Variants in MET observed in about 807,000 individuals in gnomAD.
The protein encoded by MET is MET proto-oncogene, receptor tyrosine kinase.
A neutral mutation model predicts 133.1 loss-of-function variants in MET; 48 were observed. The ratio of observed to expected loss-of-function variants is 0.36; its 90% CI spans 0.29 to 0.46. The LOEUF (loss-of-function observed/expected upper bound fraction) is 0.46, where lower values mean the gene tolerates loss of function less well. Ranked by LOEUF, MET falls within the 20% of genes least tolerant of loss-of-function variation. The pLI, the probability that MET is intolerant of heterozygous loss-of-function variation, is 1.00. For missense variants in MET, 1,442 were observed against 1,695.9 expected (o/e 0.85, Z 2.63); for synonymous variants, 628 against 616.5 (o/e 1.02, Z -0.28).
chr7:116,758,819 A>G (rs1794287656), intron 9 of MET, among the ~76,000 whole-genome samples, 199 bp downstream of exon 9: 2 of 152,222 alleles, frequency 1.3e-5, no homozygotes, highest in African/African-American at 4.8e-5. Flanking sequence ...AGTTCATTCC[A>G]AGAAGTATCT....
chr7:116,691,820 G>A lies in MET; in HGVS notation c.-14-7251G>A, dbSNP rs546472619. Among the ~76,000 whole-genome samples the A allele has an allele frequency of 6.8e-3, 1,033 of 152,234 alleles. 4 individuals carry two copies. The highest frequency in any genetic ancestry group is 0.012 in the Non-Finnish European group (808 of 68,014). ...AGAGATTCTGTTTGGCCTTGCTTTG[G>A]CCACATACTCAACCCTGACCAAGCT... On this transcript the variant is annotated intron_variant, in intron 1 of 20. Coordinates refer to ENST00000397752, the MANE Select transcript of MET (RefSeq NM_000245.4).
At chr7:116,795,463 A>C (rs1795639337) in intron 19 of MET, among the ~76,000 whole-genome samples, 192 bp from the exon 20 acceptor site, 1 of 152,246 alleles carries the variant, frequency 6.6e-6, no homozygotes, top group African/African-American at 2.4e-5. Flanking sequence ...TTTACTTATA[A>C]TCTAAACCTT....
intron 5 of MET, among the ~76,000 whole-genome samples, chr7:116,745,538 G>T (rs1175384041): frequency 6.6e-6 from 1 of 152,078 alleles, no homozygotes; most frequent in African/African-American, 2.4e-5. Context: ...TATACTACAA[G>T]GCTACAGTAA....
At chr7:116,712,288 C>T (rs1792030922) in intron 2 of MET, among the ~76,000 whole-genome samples, 1 of 152,198 alleles carries the variant, frequency 6.6e-6, no homozygotes, top group East Asian at 1.9e-4. Context: ...CCCCTGCCCC[C>T]CATATTCTGG....
At chr7:116,676,151 A>G (rs889933816) in intron 1 of MET, among the ~76,000 whole-genome samples, 3 of 152,238 alleles carry the variant, frequency 2.0e-5, no homozygotes, top group Non-Finnish European at 4.4e-5. Flanking sequence ...CCAGGTACAC[A>G]TATTTCTCTC....
intron 1 of MET, among the ~76,000 whole-genome samples, chr7:116,675,615 C>T (rs564456203): frequency 5.3e-5 from 8 of 152,266 alleles, no homozygotes; most frequent in Admixed American, 4.6e-4. Context: ...CACCATACCA[C>T]CTTTCCTCAG....
chr7:116,769,989 T>A (rs927304946), intron 12 of MET, 198 bp downstream of exon 12: 1 of 720,062 alleles, frequency 1.4e-6, no homozygotes, highest in African/African-American at 1.8e-5. Context: ...GGGAGGTAGA[T>A]CTCAAAAGTT....
chr7:116,728,220 C>A (rs1354779493), intron 2 of MET, among the ~76,000 whole-genome samples: 1 of 152,142 alleles, frequency 6.6e-6, no homozygotes. Context: ...TATTTTTTAG[C>A]TCTAAATCAC....
intron 5 of MET, among the ~76,000 whole-genome samples, chr7:116,747,294 A>T (rs1302914221): frequency 6.6e-6 from 1 of 152,236 alleles, no homozygotes; most frequent in Non-Finnish European, 1.5e-5. Flanking sequence ...CTTAAATGTA[A>T]ATAGGCTAAA....
chr7:116,783,571 C>A, intron 19 of MET, 102 bp downstream of exon 19: 2 of 1,182,152 alleles, frequency 1.7e-6, no homozygotes, highest in Non-Finnish European at 2.4e-6. Context: ...TTCAACACCA[C>A]CAATTCCAGT....
At chr7:116,724,789 T>G (rs758046215) in intron 2 of MET, 3 of 1,285,364 alleles carry the variant, frequency 2.3e-6, no homozygotes, top group Non-Finnish European at 3.0e-6. Flanking sequence ...ATGTGCTAGA[T>G]TGGAGGTGAA....
At chr7:116,674,734 C>T (rs1796092334) in intron 1 of MET, among the ~76,000 whole-genome samples, 1 of 152,188 alleles carries the variant, frequency 6.6e-6, no homozygotes, top group Non-Finnish European at 1.5e-5. Flanking sequence ...TGTCCTCTTC[C>T]TCCTCAACCC....
chr7:116,752,286 T>C (rs1487839363), intron 5 of MET, among the ~76,000 whole-genome samples: 2 of 152,160 alleles, frequency 1.3e-5, no homozygotes, highest in East Asian at 1.9e-4. Context: ...TTCTCATGTT[T>C]TATCCTAATG....
chr7:116,677,442 G>A (rs1796201375), intron 1 of MET, among the ~76,000 whole-genome samples: 1 of 152,188 alleles, frequency 6.6e-6, no homozygotes, highest in African/African-American at 2.4e-5. Flanking sequence ...AAAAGCAGAG[G>A]GGCAGTCACT....
chr7:116,696,775 C>T (rs764715522), intron 1 of MET, among the ~76,000 whole-genome samples: 10 of 152,212 alleles, frequency 6.6e-5, no homozygotes, highest in Non-Finnish European at 1.5e-4. Flanking sequence ...AGTGGAGTCT[C>T]TGTTACTCTG....
rs373634891 is a variant in MET at position 116,771,812 on chromosome 7, C to A, written c.2888-37C>A. On this transcript the variant is annotated intron_variant, in intron 13 of 20. Coordinates refer to ENST00000397752, the MANE Select transcript of MET (RefSeq NM_000245.4). ...AAAGTCTCCTGGGGCCCATGATAGC[C>A]GTCTTTAACAAGCTCTTTCTTTCTC... 7.4e-6 allele frequency: 12 copies of A among 1,613,346 alleles called. No individual in the cohort carries two copies. In the South Asian group the frequency reaches 1.1e-4, roughly 15 times the overall value.
chr7:116,774,753 CTT>C, intron 14 of MET, 126 bp from the exon 15 acceptor site: 1 of 724,204 alleles, frequency 1.4e-6, no homozygotes, highest in South Asian at 1.6e-5. Context: ...GTATATATAA[CTT>C]AGTATCTTTT....
At chr7:116,708,598 TG>T (rs1453316667) in intron 2 of MET, among the ~76,000 whole-genome samples, 1 of 152,202 alleles carries the variant, frequency 6.6e-6, no homozygotes, top group Non-Finnish European at 1.5e-5. Context: ...TTTTATTATG[TG>T]GTTCTTCTTC....
At chr7:116,695,777 T>A (rs1796940635) in intron 1 of MET, 1 of 492,000 alleles carries the variant, frequency 2.0e-6, no homozygotes, top group Non-Finnish European at 4.2e-6. Context: ...AATCAAAGAG[T>A]TTAGCAGAAT....
Sources: allele counts gnomAD v4.1 joint callset (sites outside exome capture counted in the v4.1 genomes callset), GRCh38; gene constraint gnomAD v4.1.1; transcripts MANE v1.5; gene names NCBI Gene and HGNC (gene_info 2026-07-23, HGNC 2026-07-21).